The following ECT2L variants were observed in gnomAD, a reference collection of about 807,000 sequenced individuals.
ECT2L encodes epithelial cell-transforming sequence 2 oncogene-like.
Under a neutral mutation model 122.8 loss-of-function variants are expected in ECT2L, and 126 were observed. The ratio of observed to expected loss-of-function variants is 1.03; its 90% CI spans 0.89 to 1.19. ECT2L has a LOEUF of 1.19. Among genes scored for constraint, ECT2L ranks in the 50% most tolerant of loss-of-function variants. ECT2L has a pLI of 0.00. For missense variants in ECT2L, 1,012 were observed against 1,064.1 expected, an observed-to-expected ratio of 0.95 and a Z score of 0.68; for synonymous variants, 385 against 381.8, an observed-to-expected ratio of 1.01 and a Z score of -0.10.
chr6:138,888,615 ACTT>A, intron 19 of ECT2L, among the ~76,000 whole-genome samples: 1 of 152,044 alleles, frequency 6.6e-6, no homozygotes, highest in East Asian at 1.9e-4. Flanking sequence ...CGCCCAGCCT[ACTT>A]CTTTTTCTTA....
chr6:138,902,923 A>C lies in ECT2L; in HGVS notation c.*296A>C. ...TGATGAAACCTAAGACAGAGCAAGC[A>C]CATTGTGTAAAGCTTTGTTTTATGA... On this transcript the variant is annotated 3_prime_UTR_variant, in exon 22 of 22. Coordinates refer to ENST00000541398, the MANE Select transcript of ECT2L (RefSeq NM_001077706.3). 1 of 298,304 alleles carries C rather than the reference A, an allele frequency of 3.4e-6. No individual in the cohort carries two copies. Among genetic ancestry groups the C allele is most frequent in the Non-Finnish European group, 6.2e-6 (1 of 160,140 alleles). 18.5% of individuals were successfully genotyped at this position (298,304 alleles called of 1,614,324 possible). A position where few individuals can be genotyped will look rare whatever the true frequency, so the allele number is the denominator to read the frequency against.
chr6:138,892,758 GC>G (rs1379577547), intron 20 of ECT2L, among the ~76,000 whole-genome samples: 1 of 152,194 alleles, frequency 6.6e-6, no homozygotes, highest in East Asian at 1.9e-4. Flanking sequence ...TTCTCAAAGT[GC>G]TAGGATTAAA....
intron 13 of ECT2L, among the ~76,000 whole-genome samples, chr6:138,875,024 C>T (rs1004291097): frequency 2.0e-5 from 3 of 152,128 alleles, no homozygotes; most frequent in Non-Finnish European, 4.4e-5. Context: ...GAGGTCGAGG[C>T]TGCAGTGAGC....
At chr6:138,901,208 G>A in intron 21 of ECT2L, 88 bp downstream of exon 21, 3 of 1,336,022 alleles carry the variant, frequency 2.2e-6, no homozygotes, top group Non-Finnish European at 2.0e-6. Context: ...AAAAAGGACT[G>A]GAATTATAAT....
intron 8 of ECT2L, 69 bp from the exon 9 acceptor site, chr6:138,849,198 CTA>C: frequency 7.3e-7 from 1 of 1,378,176 alleles, no homozygotes; most frequent in Non-Finnish European, 9.6e-7. Context: ...TGTATCCGTT[CTA>C]TTTCTTTCAT....
chr6:138,808,589 G>T (rs932296196), intron 1 of ECT2L, among the ~76,000 whole-genome samples: 1 of 152,036 alleles, frequency 6.6e-6, no homozygotes, highest in African/African-American at 2.4e-5. Context: ...ATTGATTTCT[G>T]TACGTAAGCC....
At chr6:138,848,221 T>C (rs527880065) in intron 8 of ECT2L, among the ~76,000 whole-genome samples, 1 of 152,186 alleles carries the variant, frequency 6.6e-6, no homozygotes, top group Non-Finnish European at 1.5e-5. Flanking sequence ...ACCATATCAG[T>C]GTGCATGTCC....
intron 4 of ECT2L, among the ~76,000 whole-genome samples, chr6:138,825,819 C>T (rs1776429034): frequency 6.6e-6 from 1 of 152,186 alleles, no homozygotes; most frequent in Non-Finnish European, 1.5e-5. Flanking sequence ...AAGACTTTAG[C>T]ACATGCTTCT....
intron 21 of ECT2L, among the ~76,000 whole-genome samples, chr6:138,902,180 TATA>T (rs1015220253): frequency 6.6e-6 from 1 of 152,248 alleles, no homozygotes; most frequent in African/African-American, 2.4e-5. Context: ...CATCTTTATT[TATA>T]ATAACTATCA....
At chr6:138,800,384 G>T (rs923830365) in intron 1 of ECT2L, among the ~76,000 whole-genome samples, 2 of 152,188 alleles carry the variant, frequency 1.3e-5, no homozygotes, top group Non-Finnish European at 2.9e-5. Context: ...TTGAGAGTTT[G>T]GTTTTATACA....
chr6:138,898,345 T>G (rs1424426233), intron 20 of ECT2L, among the ~76,000 whole-genome samples: 1 of 152,186 alleles, frequency 6.6e-6, no homozygotes, highest in Non-Finnish European at 1.5e-5. Context: ...AAGAAAATGT[T>G]TGAAAGAAAG....
rs748442558 is a variant in ECT2L, at chr6:138,838,496, G to C, written c.324G>C (p.Trp108Cys). The C allele has an allele frequency of 5.0e-6, 8 of 1,612,124 alleles. No individual in the cohort carries two copies. Among genetic ancestry groups the C allele is most frequent in the Non-Finnish European group, 5.9e-6 (7 of 1,179,440 alleles). ...LCAAAQVSWP[W>C]KFLTEQDCLW... Reference sequence around the variant, plus strand: ...CCGCTGCCCAAGTCAGCTGGCCCTGGAAGTTTTTAACTGAACAGGTTTACT... The same window carrying C: ...CCGCTGCCCAAGTCAGCTGGCCCTGCAAGTTTTTAACTGAACAGGTTTACT... The change falls in exon 5 of 22, where the codon TGG becomes TGC. Residue 108 changes from tryptophan to cysteine, a missense_variant. Coordinates refer to ENST00000541398, the MANE Select transcript of ECT2L (RefSeq NM_001077706.3).
At chr6:138,811,623 A>G (rs1007314799) in intron 1 of ECT2L, among the ~76,000 whole-genome samples, 1 of 152,176 alleles carries the variant, frequency 6.6e-6, no homozygotes, top group African/African-American at 2.4e-5. Context: ...AGATGGGAAG[A>G]ACCCTGGAGC....
At chr6:138,902,326 A>C (rs1486549968) in intron 21 of ECT2L, among the ~76,000 whole-genome samples, 174 bp from the exon 22 acceptor site, 1 of 152,264 alleles carries the variant, frequency 6.6e-6, no homozygotes, top group East Asian at 1.9e-4. Flanking sequence ...ACATCATTTT[A>C]CACTGCATGT....
intron 14 of ECT2L, among the ~76,000 whole-genome samples, chr6:138,878,400 T>A (rs764664530): frequency 6.6e-6 from 1 of 152,040 alleles, no homozygotes; most frequent in East Asian, 1.9e-4. Flanking sequence ...AATATAAAGA[T>A]AACTGCTGAA....
chr6:138,885,763 A>AT lies in ECT2L; in HGVS notation c.2193dup (p.Val732CysfsTer2). 1 of 1,614,200 alleles carries AT rather than the reference A, an allele frequency of 6.2e-7. No individual in the cohort carries two copies. The highest frequency in any genetic ancestry group is 8.5e-7 in the Non-Finnish European group (1 of 1,180,038). On this transcript the variant is annotated frameshift_variant, in exon 18 of 22. Coordinates refer to ENST00000541398, the MANE Select transcript of ECT2L (RefSeq NM_001077706.3). LOFTEE classifies it high-confidence loss of function. Reference sequence around the variant, plus strand: ...GTCAGGCTTCATACCCCTGCAGAGCATGTTGACCGTGGGGACTTGACCACT... The same window carrying AT: ...GTCAGGCTTCATACCCCTGCAGAGCATTGTTGACCGTGGGGACTTGACCACT...
Position 138,885,795 on chromosome 6 carries a change from G to T in ECT2L, c.2224G>T (p.Asp742Tyr). ...VDRGDLTTAI[D>Y]QIKKYKGYID... ...CCGTGGGGACTTGACCACTGCAATT[G>T]ACCAAATCAAAAAATATAAAGGTTA... The change falls in exon 18 of 22, where the codon GAC (aspartate) becomes TAC (tyrosine). Residue 742 changes from aspartate to tyrosine, a missense_variant. Asp to Tyr is a radical substitution (Grantham distance 160, BLOSUM62 -3). Transcript: ENST00000541398. The T allele has an allele frequency of 2.5e-6, 4 of 1,613,844 alleles. No individual in the cohort carries two copies. Among genetic ancestry groups the T allele is most frequent in the South Asian group, 1.1e-5 (1 of 91,050 alleles).
Position 138,846,320 on chromosome 6 carries a change from C to G in ECT2L, c.765-219C>G, listed in dbSNP as rs77163718. 3.4e-3 allele frequency among the ~76,000 whole-genome samples: 518 copies of G among 152,272 alleles called. 5 individuals are homozygous for G. Among genetic ancestry groups the G allele is most frequent in the Admixed American group, 0.024 (363 of 15,274 alleles). ...AAGTTCCAAGAGACTGCTCCAGCAT[C>G]CCACATGTGGTGGAGGAGAGGCTCA... On this transcript the variant is annotated intron_variant, in intron 7 of 21. Coordinates refer to ENST00000541398, the MANE Select transcript of ECT2L (RefSeq NM_001077706.3).
In ECT2L at chr6:138,876,529, G is replaced by A. The variant is rs779772772; in HGVS notation, c.1636G>A (p.Asp546Asn). Residue 546 changes from aspartate (D) to asparagine (N), a missense_variant, in exon 14 of 22, where the codon GAT (aspartate) becomes AAT (asparagine). Transcript: ENST00000541398. ...CACAAAGTCCAGGCTCAGCAAAAAT[G>A]ATTTAAATTTTGAAGCACTGATTAA... ...WDTKSRLSKN[D>N]LNFEALINLE... The A allele has an allele frequency of 1.9e-6, 3 of 1,612,818 alleles. No homozygotes were observed. The highest frequency in any genetic ancestry group is 2.5e-6 in the Non-Finnish European group (3 of 1,179,080).
Sources: allele counts gnomAD v4.1 joint callset (sites outside exome capture counted in the v4.1 genomes callset), GRCh38; gene constraint gnomAD v4.1.1; transcripts MANE v1.5; gene names NCBI Gene and HGNC (gene_info 2026-07-23, HGNC 2026-07-21).